Variants in GPLD1 observed in about 807,000 individuals in gnomAD.
GPLD1 encodes phosphatidylinositol-glycan-specific phospholipase D.
GPLD1 carries 84 observed loss-of-function variants against 112.6 expected under a neutral mutation model. The observed-to-expected ratio is 0.75, with a 90% CI of 0.63 to 0.89. The LOEUF is 0.89. Ranked by LOEUF, GPLD1 falls within the 40% of genes least tolerant of loss-of-function variation. The pLI, the probability that GPLD1 is intolerant of heterozygous loss-of-function variation, is 0.00. For synonymous variants in GPLD1, 386 were observed against 403.8 expected (o/e 0.96, Z 0.53); for missense variants, 1,044 against 1,051.5 (o/e 0.99, Z 0.10).
intron 24 of GPLD1, among the ~76,000 whole-genome samples, chr6:24,429,746 C>T (rs968429252): frequency 6.6e-6 from 1 of 152,194 alleles, no homozygotes; most frequent in African/African-American, 2.4e-5. Context: ...CGAGCTCTCA[C>T]CATGTTGGCC....
intron 12 of GPLD1, 22 bp downstream of exon 12, chr6:24,460,257 A>G (rs1385490428): frequency 3.7e-6 from 6 of 1,613,232 alleles, no homozygotes; most frequent in Non-Finnish European, 5.1e-6. Flanking sequence ...CTCTTTCTCA[A>G]CTTAGAGCAG....
chr6:24,486,000 C>T, intron 2 of GPLD1, 75 bp downstream of exon 2: 1 of 870,832 alleles, frequency 1.1e-6, no homozygotes, highest in Non-Finnish European at 1.9e-6. Flanking sequence ...GTTTAAATAT[C>T]TGTTAGGATC....
intron 18 of GPLD1, 150 bp downstream of exon 18, chr6:24,446,688 G>C (rs578081766): frequency 1.6e-6 from 1 of 618,476 alleles, no homozygotes; most frequent in Non-Finnish European, 2.6e-6. Flanking sequence ...CTAAGGAGGA[G>C]AATTTGCAAT....
At chr6:24,454,826 T>C (rs947058654) in intron 13 of GPLD1, among the ~76,000 whole-genome samples, 3 of 152,196 alleles carry the variant, frequency 2.0e-5, no homozygotes, top group Admixed American at 6.5e-5. Flanking sequence ...GTGCTTATCA[T>C]CACATAAAGA....
intron 22 of GPLD1, among the ~76,000 whole-genome samples, chr6:24,436,133 G>T (rs745696153): frequency 6.6e-6 from 1 of 152,074 alleles, no homozygotes; most frequent in Non-Finnish European, 1.5e-5. Flanking sequence ...GCACATGCCT[G>T]TAGTCCTAGC....
chr6:24,473,492 C>T (rs1275701777), intron 6 of GPLD1, 127 bp downstream of exon 6: 2 of 602,710 alleles, frequency 3.3e-6, no homozygotes, highest in Admixed American at 5.1e-5. Context: ...AAATGAACTG[C>T]AACATTAAAT....
chr6:24,430,258 G>T (rs944108541), intron 24 of GPLD1, among the ~76,000 whole-genome samples: 8 of 152,144 alleles, frequency 5.3e-5, no homozygotes, highest in African/African-American at 1.9e-4. Flanking sequence ...ACTCTGTTTT[G>T]TCAGAGTCTA....
intron 8 of GPLD1, 96 bp from the exon 9 acceptor site, chr6:24,467,035 C>G: frequency 3.5e-6 from 4 of 1,156,106 alleles, no homozygotes; most frequent in Non-Finnish European, 3.9e-6. Flanking sequence ...CCTTTTCCAC[C>G]GTCATGCAAC....
In GPLD1 at chr6:24,426,006, GTTT is replaced by G. The variant is rs1191309732; in HGVS notation, c.*3023_*3025del. The G allele has an allele frequency of 2.0e-5, 3 of 152,180 alleles. No homozygotes were observed. Among genetic ancestry groups the G allele is most frequent in the Admixed American group, 6.5e-5 (1 of 15,282 alleles). 9.4% of individuals were successfully genotyped at this position (152,180 alleles called of 1,614,324 possible). A position where few individuals can be genotyped will look rare whatever the true frequency, so the allele number is the denominator to read the frequency against. On this transcript the variant is annotated 3_prime_UTR_variant, in exon 25 of 25. Transcript: ENST00000230036. ...TGGAGTAGGGACTGCAGAGACCCTAGTTTTGTCCCCACTCCATCTTCAAATAAT... is the reference window on the plus strand; with the variant it reads ...TGGAGTAGGGACTGCAGAGACCCTAGTGTCCCCACTCCATCTTCAAATAAT...
At chr6:24,455,844 G>A (rs1027932551) in intron 13 of GPLD1, among the ~76,000 whole-genome samples, 3 of 152,150 alleles carry the variant, frequency 2.0e-5, no homozygotes, top group African/African-American at 4.8e-5. Context: ...CCAAGTGTAA[G>A]GAGATCATTT....
rs527663971 is a variant in GPLD1 at position 24,450,702 on chromosome 6, C to T, written c.1336-803G>A. Among the ~76,000 whole-genome samples the T allele has an allele frequency of 6.6e-5, 10 of 152,166 alleles. No homozygotes were observed. In the South Asian group the frequency reaches 1.9e-3, roughly 28 times the overall value. On this transcript the variant is annotated intron_variant, in intron 14 of 24. Coordinates refer to ENST00000230036, the MANE Select transcript of GPLD1 (RefSeq NM_001503.4). ...ATCAAAAATTCAGTTTCTACCCTGG[C>T]GCAGTGGCTTATGCCTGTAATCCCA...
At chr6:24,487,907 TG>T (rs1052218351) in intron 1 of GPLD1, among the ~76,000 whole-genome samples, 1 of 152,226 alleles carries the variant, frequency 6.6e-6, no homozygotes, top group African/African-American at 2.4e-5. Context: ...TTTCTTCATC[TG>T]TAAAAGAAGA....
chr6:24,434,487 A>G (rs1762506704), intron 22 of GPLD1, among the ~76,000 whole-genome samples: 1 of 152,150 alleles, frequency 6.6e-6, no homozygotes, highest in South Asian at 2.1e-4. Context: ...TGTAATACTT[A>G]AGGGTAGGCT....
At chr6:24,451,958 G>T (rs529522615) in intron 14 of GPLD1, among the ~76,000 whole-genome samples, 2 of 152,326 alleles carry the variant, frequency 1.3e-5, no homozygotes, top group Non-Finnish European at 2.9e-5. Flanking sequence ...CAGTCATTCC[G>T]AGAGGAGCAC....
rs114414334 is a variant in GPLD1 at position 24,437,261 on chromosome 6, G to A, written c.2049C>T (p.Thr683=). 2,495 of 1,613,996 alleles carry A rather than the reference G, an allele frequency of 1.5e-3. 28 individuals are homozygous for A. In the African/African-American group the frequency reaches 0.023, roughly 15 times the overall value. ...TGGCTCCGCCTTGGTGTAGGGTCAC[G>A]GTCAGGAATGCCACCTTAGACACGT... ...YDDVSKVAFL[T]VTLHQGGATR... The change falls in exon 21 of 25, where the codon ACC becomes ACT. Residue 683 remains threonine (T), a synonymous_variant. Coordinates refer to ENST00000230036, the MANE Select transcript of GPLD1 (RefSeq NM_001503.4).
Position 24,437,183 on chromosome 6 carries a change from G to A in GPLD1, c.2127C>T (p.Phe709=), listed in dbSNP as rs1327280222. Residue 709 remains phenylalanine (F), a synonymous_variant, in exon 21 of 25, where the codon TTC becomes TTT. Transcript: ENST00000230036. ...SDAQPLLLST[F]SGDRRFSRFG... Reference sequence around the variant, plus strand: ...ATCGGGAGAAGCGGCGGTCTCCGCTGAAGGTGCTGAGCAGCAGAGGCTGCG... The same window carrying A: ...ATCGGGAGAAGCGGCGGTCTCCGCTAAAGGTGCTGAGCAGCAGAGGCTGCG... 1.2e-6 allele frequency: 2 copies of A among 1,614,166 alleles called. No homozygotes were observed. Among genetic ancestry groups the A allele is most frequent in the South Asian group, 1.1e-5 (1 of 91,082 alleles).
intron 14 of GPLD1, among the ~76,000 whole-genome samples, chr6:24,453,563 G>C (rs1763162285): frequency 6.6e-6 from 1 of 152,118 alleles, no homozygotes; most frequent in Non-Finnish European, 1.5e-5. Context: ...TTGAACCCGG[G>C]AGGCAGAGGT....
intron 10 of GPLD1, among the ~76,000 whole-genome samples, chr6:24,463,334 G>A (rs964761755): frequency 1.3e-5 from 2 of 152,174 alleles, no homozygotes; most frequent in Non-Finnish European, 2.9e-5. Flanking sequence ...TGAGGAAGCA[G>A]GTATTAATAT....
Position 24,436,721 on chromosome 6 carries a change from G to A in GPLD1, c.2213C>T (p.Ala738Val). Residue 738 changes from alanine to valine, a missense_variant, in exon 22 of 25, where the codon GCA (alanine) becomes GTA (valine). Coordinates refer to ENST00000230036, the MANE Select transcript of GPLD1 (RefSeq NM_001503.4). ...TACATCTGCTATCCTCAGGGGGGCT[G>A]CCATGATGATTTCATCTGAAAACAA... Reference protein sequence around the residue: ...DDDGLDEIIMAAPLRIADVTS... With the variant: ...DDDGLDEIIMVAPLRIADVTS... 1 of 1,613,100 alleles carries A rather than the reference G, an allele frequency of 6.2e-7. No homozygotes were observed.
Sources: gnomAD v4.1 joint callset for allele counts (sites outside exome capture counted in the v4.1 genomes callset) on GRCh38, gnomAD v4.1.1 for gene constraint, MANE v1.5 for transcripts, NCBI Gene and HGNC (gene_info 2026-07-23, HGNC 2026-07-21) for gene names.